RAPGEF2: variants seen among roughly 807,000 people sequenced by gnomAD.
The protein encoded by RAPGEF2 is Rap guanine nucleotide exchange factor 2.
Under a neutral mutation model 186.7 loss-of-function variants are expected in RAPGEF2, and 54 were observed. The observed-to-expected ratio is 0.29, with a 90% CI of 0.23 to 0.36. RAPGEF2 has a LOEUF of 0.36. Ranked by LOEUF, RAPGEF2 falls within the 10% of genes least tolerant of loss-of-function variation. The pLI, the probability that RAPGEF2 is intolerant of heterozygous loss-of-function variation, is 1.00. For missense variants in RAPGEF2, 1,532 were observed against 2,045.0 expected, an observed-to-expected ratio of 0.75 and a Z score of 4.84; for synonymous variants, 712 against 705.9, an observed-to-expected ratio of 1.01 and a Z score of -0.14.
chr4:159,331,609 A>G lies in RAPGEF2; in HGVS notation c.1576-21A>G, dbSNP rs765624208. On this transcript the variant is annotated intron_variant, in intron 14 of 29. Coordinates refer to ENST00000691494, the MANE Select transcript of RAPGEF2 (RefSeq NM_001394067.2). ...TTCAGCCTGTTCTTGAGTTGACACTACTGTTTCTGAACTCTTAAAGAAAAT... is the reference window on the plus strand; with the variant it reads ...TTCAGCCTGTTCTTGAGTTGACACTGCTGTTTCTGAACTCTTAAAGAAAAT... The G allele has an allele frequency of 6.8e-6, 11 of 1,613,368 alleles. No individual in the cohort carries two copies. In the Admixed American group the frequency reaches 1.8e-4, roughly 27 times the overall value.
chr4:159,232,830 G>A (rs1031540263), intron 4 of RAPGEF2, among the ~76,000 whole-genome samples: 5 of 151,932 alleles, frequency 3.3e-5, no homozygotes, highest in African/African-American at 1.2e-4. Flanking sequence ...ATAAAAAATT[G>A]TAGCCATCCT....
intron 4 of RAPGEF2, among the ~76,000 whole-genome samples, chr4:159,223,123 A>T (rs1349422580): frequency 6.6e-6 from 1 of 152,102 alleles, no homozygotes; most frequent in Non-Finnish European, 1.5e-5. Flanking sequence ...TGTGGTTTTT[A>T]AAAGGATCTG....
intron 1 of RAPGEF2, among the ~76,000 whole-genome samples, chr4:159,130,379 C>G (rs1478867489): frequency 6.6e-6 from 1 of 152,178 alleles, no homozygotes; most frequent in African/African-American, 2.4e-5. Flanking sequence ...TCAAATGCCT[C>G]TGACAACAGG....
intron 7 of RAPGEF2, among the ~76,000 whole-genome samples, chr4:159,291,797 T>C (rs1253814237): frequency 6.6e-6 from 1 of 151,272 alleles, no homozygotes; most frequent in East Asian, 1.9e-4. Flanking sequence ...TTTTTTTTTT[T>C]ATGTCCTCTT....
At chr4:159,137,476 A>G (rs1164416577) in intron 1 of RAPGEF2, among the ~76,000 whole-genome samples, 1 of 152,006 alleles carries the variant, frequency 6.6e-6, no homozygotes, top group Non-Finnish European at 1.5e-5. Flanking sequence ...AACCTTGATT[A>G]CCTCCCAGAG....
At chr4:159,111,939 A>G (rs773321449) in intron 1 of RAPGEF2, among the ~76,000 whole-genome samples, 2 of 152,236 alleles carry the variant, frequency 1.3e-5, no homozygotes, top group South Asian at 2.1e-4. Flanking sequence ...AAACAAAGCA[A>G]TTCCAGCACC....
chr4:159,233,945 G>T (rs28539541), intron 4 of RAPGEF2, among the ~76,000 whole-genome samples: 3 of 79,830 alleles, frequency 3.8e-5, no homozygotes, highest in Admixed American at 2.4e-4. Context: ...ATTGGGAAGC[G>T]TGAGTCCTCA....
At chr4:159,272,061 C>T (rs1330044398) in intron 7 of RAPGEF2, among the ~76,000 whole-genome samples, 1 of 152,112 alleles carries the variant, frequency 6.6e-6, no homozygotes, top group Non-Finnish European at 1.5e-5. Flanking sequence ...CCTCTGAGTG[C>T]CTGACCGTGG....
chr4:159,355,455 C>T (rs1362249775), intron 28 of RAPGEF2, among the ~76,000 whole-genome samples: 1 of 152,130 alleles, frequency 6.6e-6, no homozygotes, highest in Non-Finnish European at 1.5e-5. Context: ...GGAACTTGTA[C>T]CAAGCACAAA....
chr4:159,194,071 G>A (rs1043769438), intron 3 of RAPGEF2, among the ~76,000 whole-genome samples: 4 of 152,190 alleles, frequency 2.6e-5, no homozygotes, highest in East Asian at 1.9e-4. Context: ...ACAAGGGAGC[G>A]TGTGAAGGAA....
intron 11 of RAPGEF2, 97 bp from the exon 12 acceptor site, chr4:159,329,761 A>G (rs1212470868): frequency 1.7e-5 from 17 of 995,418 alleles, no homozygotes; most frequent in Non-Finnish European, 2.3e-5. Context: ...GACAGGGAAA[A>G]ATGTCAGTTT....
chr4:159,249,204 G>A (rs531983706), intron 7 of RAPGEF2, among the ~76,000 whole-genome samples: 11 of 150,110 alleles, frequency 7.3e-5, no homozygotes, highest in African/African-American at 2.7e-4. Flanking sequence ...TTTCATCTTC[G>A]ACTGTTTCAT....
intron 1 of RAPGEF2, among the ~76,000 whole-genome samples, chr4:159,159,784 A>G (rs1342468459): frequency 2.0e-5 from 3 of 152,334 alleles, no homozygotes; most frequent in African/African-American, 7.2e-5. Context: ...AGTGTGAACA[A>G]TAGTGTTCTC....
intron 7 of RAPGEF2, among the ~76,000 whole-genome samples, chr4:159,285,082 G>C (rs1474542951): frequency 1.3e-5 from 2 of 152,140 alleles, no homozygotes; most frequent in Non-Finnish European, 2.9e-5. Flanking sequence ...GTGTTGACTG[G>C]AGATTTTTTC....
intron 4 of RAPGEF2, among the ~76,000 whole-genome samples, chr4:159,228,836 A>G (rs1013645963): frequency 5.9e-5 from 9 of 152,184 alleles, no homozygotes; most frequent in African/African-American, 2.2e-4. Flanking sequence ...GATTACATGT[A>G]TTTTATGGAA....
In RAPGEF2 at chr4:159,290,479, C is replaced by A. The variant is rs531907086; in HGVS notation, c.544-13863C>A. Among the ~76,000 whole-genome samples, 28 of 152,278 alleles carry A rather than the reference C, an allele frequency of 1.8e-4. No homozygotes were observed. In the South Asian group the frequency reaches 5.8e-3, roughly 32 times the overall value. ...AGTATGCATACACATACACACTTAA[C>A]AGAAACATTTAGAGAAAGTAGCTGA... is the stretch of plus-strand genomic sequence containing the variant. On this transcript the variant is annotated intron_variant, in intron 7 of 29. Coordinates refer to ENST00000691494, the MANE Select transcript of RAPGEF2 (RefSeq NM_001394067.2).
chr4:159,200,046 A>C (rs1749238488), intron 3 of RAPGEF2, among the ~76,000 whole-genome samples: 3 of 151,258 alleles, frequency 2.0e-5, no homozygotes, highest in South Asian at 4.2e-4. Context: ...ATTTGATGTA[A>C]TCTCTCTCTC....
At chr4:159,142,795 T>G (rs1163208092) in intron 1 of RAPGEF2, among the ~76,000 whole-genome samples, 2 of 152,194 alleles carry the variant, frequency 1.3e-5, no homozygotes, top group Non-Finnish European at 2.9e-5. Context: ...AGGCCCTGCG[T>G]TAAACATTTC....
chr4:159,170,835 A>T (rs1051650845), intron 1 of RAPGEF2, among the ~76,000 whole-genome samples: 2 of 148,708 alleles, frequency 1.3e-5, no homozygotes, highest in African/African-American at 4.9e-5. Context: ...TTACGGTTCC[A>T]GGTCTTACGT....
Sources: allele counts gnomAD v4.1 joint callset (sites outside exome capture counted in the v4.1 genomes callset), GRCh38; gene constraint gnomAD v4.1.1; transcripts MANE v1.5; gene names NCBI Gene and HGNC (gene_info 2026-07-23, HGNC 2026-07-21).